The following CDH12 variants were observed in gnomAD, a reference collection of about 807,000 sequenced individuals.
The protein encoded by CDH12 is cadherin-12.
In CDH12, 41 loss-of-function variants were observed where a neutral mutation model predicts 74.1. The ratio of observed to expected loss-of-function variants is 0.55; its 90% CI spans 0.43 to 0.72. CDH12 has a LOEUF of 0.72. CDH12 is among the 30% of genes least tolerant of loss of function. The pLI is 0.00. For missense variants in CDH12, 945 were observed against 977.2 expected (o/e 0.97, Z 0.44); for synonymous variants, 399 against 355.0 (o/e 1.12, Z -1.39).
chr5:22,520,950 T>A (rs573781837), intron 1 of CDH12, among the ~76,000 whole-genome samples: 1 of 152,092 alleles, frequency 6.6e-6, no homozygotes, highest in East Asian at 1.9e-4. Flanking sequence ...GCATTATTTG[T>A]GTGACAAGCA....
At chr5:21,785,759 C>T (rs1746164201) in intron 10 of CDH12, among the ~76,000 whole-genome samples, 1 of 152,180 alleles carries the variant, frequency 6.6e-6, no homozygotes, top group South Asian at 2.1e-4. Context: ...GGAAAGAAGT[C>T]ATCTCCATAA....
chr5:21,765,322 G>A (rs10941924), intron 11 of CDH12, among the ~76,000 whole-genome samples: 90,369 of 151,876 alleles, frequency 0.6, 29,579 homozygotes, highest in Non-Finnish European at 0.74. Context: ...TGATATTTTA[G>A]CATAAGTGTA....
chr5:21,803,745 C>T (rs1406442817), intron 9 of CDH12, among the ~76,000 whole-genome samples: 2 of 152,058 alleles, frequency 1.3e-5, no homozygotes, highest in African/African-American at 2.4e-5. Flanking sequence ...TAAAGGAATT[C>T]CTTCAAGTCT....
chr5:22,470,547 T>C (rs997777761), intron 2 of CDH12, among the ~76,000 whole-genome samples: 1 of 152,016 alleles, frequency 6.6e-6, no homozygotes, highest in Non-Finnish European at 1.5e-5. Flanking sequence ...GCCTTCTGAT[T>C]AGCTAGGACT....
intron 2 of CDH12, among the ~76,000 whole-genome samples, chr5:22,437,551 T>TAATAAATAAATAAATAAATA (rs61578838): frequency 0.014 from 2,046 of 148,612 alleles, 47 homozygotes; most frequent in African/African-American, 0.047. Flanking sequence ...AATTTAAAAA[T>TAATAAATAAATAAATAAATA]AATAAATAAA....
intron 6 of CDH12, among the ~76,000 whole-genome samples, chr5:21,904,423 T>G (rs1379439297): frequency 6.6e-6 from 1 of 152,126 alleles, no homozygotes; most frequent in Non-Finnish European, 1.5e-5. Context: ...TTGAGAGTAA[T>G]CAAACCAGAC....
intron 5 of CDH12, among the ~76,000 whole-genome samples, chr5:22,065,492 A>G (rs1741494038): frequency 6.6e-6 from 1 of 152,196 alleles, no homozygotes; most frequent in South Asian, 2.1e-4. Flanking sequence ...GTTTGCCCAC[A>G]GTAAATGAAT....
chr5:22,315,317 A>AAAC (rs752143173), intron 3 of CDH12, among the ~76,000 whole-genome samples: 1 of 151,694 alleles, frequency 6.6e-6, no homozygotes, highest in African/African-American at 2.4e-5. Flanking sequence ...TTTTCACAGT[A>AAAC]AACAACAACA....
rs971769570 is a variant in CDH12, at chr5:22,578,904, C to T, written c.-522-73540G>A. Among the ~76,000 whole-genome samples, 5 of 152,204 alleles carry T rather than the reference C, an allele frequency of 3.3e-5. No individual in the cohort carries two copies. The East Asian group carries it at 9.6e-4, about 29-fold the overall frequency. On this transcript the variant is annotated intron_variant, in intron 1 of 14. Transcript: ENST00000382254. ...AGTTCAATTAGCAAAATTATAGTTT[C>T]GTTTTTCCCCTGGTGAGTGTCTTTT...
At chr5:22,583,968 T>C (rs1031100630) in intron 1 of CDH12, among the ~76,000 whole-genome samples, 49 of 152,208 alleles carry the variant, frequency 3.2e-4, no homozygotes, top group African/African-American at 1.2e-3. Context: ...AAGTGAATCT[T>C]AGTATTTACT....
intron 2 of CDH12, among the ~76,000 whole-genome samples, chr5:22,491,173 A>G (rs1420492983): frequency 1.3e-5 from 2 of 151,942 alleles, no homozygotes; most frequent in African/African-American, 2.4e-5. Context: ...ACAATCCCCA[A>G]TGTTTATTGT....
At chr5:22,224,775 A>C (rs1281347839) in intron 3 of CDH12, among the ~76,000 whole-genome samples, 1 of 151,978 alleles carries the variant, frequency 6.6e-6, no homozygotes, top group African/African-American at 2.4e-5. Context: ...TTCCTCAATT[A>C]AGTTGCATTT....
chr5:22,322,719 T>G (rs1056549710), intron 3 of CDH12, among the ~76,000 whole-genome samples: 1 of 152,204 alleles, frequency 6.6e-6, no homozygotes, highest in African/African-American at 2.4e-5. Context: ...GTGAAGAAAT[T>G]GCAGGCACAG....
intron 4 of CDH12, among the ~76,000 whole-genome samples, chr5:22,189,265 T>C (rs1280507915): frequency 6.6e-6 from 1 of 152,210 alleles, no homozygotes. Flanking sequence ...TTGATGTACT[T>C]AAATTTCTAA....
At chr5:22,577,317 G>A (rs527675206) in intron 1 of CDH12, among the ~76,000 whole-genome samples, 13 of 152,252 alleles carry the variant, frequency 8.5e-5, no homozygotes, top group Non-Finnish European at 1.6e-4. Context: ...ATTATAGAAC[G>A]GATAAGTGAA....
intron 1 of CDH12, among the ~76,000 whole-genome samples, chr5:22,648,317 A>G (rs1256775668): frequency 6.6e-6 from 1 of 151,884 alleles, no homozygotes; most frequent in Non-Finnish European, 1.5e-5. Flanking sequence ...GACATCCTCA[A>G]GACCACAGAA....
intron 4 of CDH12, among the ~76,000 whole-genome samples, chr5:22,206,578 C>T (rs1751229279): frequency 6.9e-6 from 1 of 145,982 alleles, no homozygotes; most frequent in South Asian, 2.1e-4. Context: ...GGAATGAGAC[C>T]CAGGAATCTA....
At chr5:22,126,019 A>T (rs1336688056) in intron 4 of CDH12, among the ~76,000 whole-genome samples, 3 of 146,404 alleles carry the variant, frequency 2.0e-5, no homozygotes, top group African/African-American at 7.5e-5. Context: ...GACAAATTCT[A>T]CAAACTGCTT....
intron 6 of CDH12, among the ~76,000 whole-genome samples, chr5:21,959,980 C>A (rs1357890954): frequency 2.1e-5 from 3 of 145,984 alleles, no homozygotes; most frequent in Non-Finnish European, 4.5e-5. Flanking sequence ...AAGGGTTTTA[C>A]TCAACAAGAA....
Sources: allele counts gnomAD v4.1 joint callset (sites outside exome capture counted in the v4.1 genomes callset), GRCh38; gene constraint gnomAD v4.1.1; transcripts MANE v1.5; gene names NCBI Gene and HGNC (gene_info 2026-07-23, HGNC 2026-07-21).